ATP8A2: variants seen among roughly 807,000 people sequenced by gnomAD.
ATP8A2 encodes phospholipid-transporting ATPase IB.
A neutral mutation model predicts 165.6 loss-of-function variants in ATP8A2; 100 were observed. The observed-to-expected ratio is 0.60, with a 90% CI of 0.51 to 0.71. The LOEUF is 0.71. Among genes scored for constraint, ATP8A2 ranks in the 30% least tolerant of loss-of-function variants. ATP8A2 has a pLI of 0.00. For missense variants in ATP8A2, 1,227 were observed against 1,479.5 expected (o/e 0.83, Z 2.80); for synonymous variants, 543 against 548.8 (o/e 0.99, Z 0.15).
At chr13:26,013,184 A>G (rs1956886027) in intron 36 of ATP8A2, among the ~76,000 whole-genome samples, 1 of 151,910 alleles carries the variant, frequency 6.6e-6, no homozygotes, top group African/African-American at 2.4e-5. Context: ...CAATCCAGTC[A>G]TCAGATCCCA....
intron 1 of ATP8A2, among the ~76,000 whole-genome samples, chr13:25,437,934 G>C (rs1021511558): frequency 6.6e-6 from 1 of 152,204 alleles, no homozygotes; most frequent in African/African-American, 2.4e-5. Flanking sequence ...ATATGTTGAT[G>C]ATTAGATAAG....
chr13:25,385,384 C>G (rs1029387173), intron 1 of ATP8A2, among the ~76,000 whole-genome samples: 16 of 152,212 alleles, frequency 1.1e-4, no homozygotes, highest in Non-Finnish European at 2.2e-4. Context: ...CGCTCAGCCT[C>G]ACTTTCCTCC....
chr13:25,557,874 T>G (rs2138095328), intron 13 of ATP8A2, among the ~76,000 whole-genome samples: 1 of 152,328 alleles, frequency 6.6e-6, no homozygotes, highest in South Asian at 2.1e-4. Context: ...TAGCAAATCT[T>G]AATAAGCCCT....
Position 25,429,371 on chromosome 13 carries a change from TAAAAAAAAAAAAAAA to T in ATP8A2, c.77-39591_77-39577del, listed in dbSNP as rs751056483. Among the ~76,000 whole-genome samples the T allele has an allele frequency of 6.8e-3, 852 of 126,038 alleles. 5 individuals are homozygous for T. Among genetic ancestry groups the T allele is most frequent in the African/African-American group, 0.019 (523 of 28,122 alleles). The allele number at this position is 126,038 out of a possible 152,430, so 82.7% of individuals were successfully genotyped here. On this transcript the variant is annotated intron_variant, in intron 1 of 36. Coordinates refer to ENST00000381655, the MANE Select transcript of ATP8A2 (RefSeq NM_016529.6). ...GGCCCATAACAGTGTGACTCCATCTTAAAAAAAAAAAAAAAAAAAAAAAAAAAAAGAAGTAATCTT... is the reference window on the plus strand; with the variant it reads ...GGCCCATAACAGTGTGACTCCATCTTAAAAAAAAAAAAAAGAAGTAATCTT...
At chr13:25,429,772 C>T (rs7985161) in intron 1 of ATP8A2, among the ~76,000 whole-genome samples, 3,606 of 152,232 alleles carry the variant, frequency 0.024, 147 homozygotes, top group African/African-American at 0.082. Context: ...TTTAGGCTTC[C>T]TCGTGTGGGC....
intron 2 of ATP8A2, among the ~76,000 whole-genome samples, chr13:25,477,242 T>A (rs992409878): frequency 6.6e-6 from 1 of 152,186 alleles, no homozygotes; most frequent in Non-Finnish European, 1.5e-5. Flanking sequence ...AAGCATTTGG[T>A]TTGAGAATTT....
chr13:25,743,617 A>G (rs1465450257), intron 25 of ATP8A2, among the ~76,000 whole-genome samples: 1 of 152,190 alleles, frequency 6.6e-6, no homozygotes, highest in South Asian at 2.1e-4. Flanking sequence ...TTGTAATGGT[A>G]GATGTATCAT....
intron 10 of ATP8A2, among the ~76,000 whole-genome samples, chr13:25,547,323 C>G (rs899255888): frequency 2.6e-5 from 4 of 151,864 alleles, no homozygotes; most frequent in African/African-American, 9.7e-5. Flanking sequence ...GAAGCTTCAT[C>G]TGTATTTACA....
intron 24 of ATP8A2, among the ~76,000 whole-genome samples, chr13:25,656,615 G>C (rs904867041): frequency 6.6e-6 from 1 of 150,708 alleles, no homozygotes; most frequent in Non-Finnish European, 1.5e-5. Flanking sequence ...AATGGATTCA[G>C]ATCATTGAGA....
chr13:25,581,794 A>G (rs371848356), intron 22 of ATP8A2, 25 bp from the exon 23 acceptor site: 3 of 1,610,158 alleles, frequency 1.9e-6, no homozygotes, highest in African/African-American at 2.7e-5. Flanking sequence ...GCCAATCTTT[A>G]ACTGAGGATA....
At chr13:25,821,783 G>T (rs1248034162) in intron 27 of ATP8A2, among the ~76,000 whole-genome samples, 1 of 152,060 alleles carries the variant, frequency 6.6e-6, no homozygotes, top group East Asian at 1.9e-4. Context: ...AGCATCTTTG[G>T]CCCACTCAAT....
In ATP8A2 at chr13:26,021,413, G is replaced by A. The variant is rs1449298516; in HGVS notation, c.*1428G>A. 1 of 152,162 alleles carries A rather than the reference G, an allele frequency of 6.6e-6. No homozygotes were observed. Among genetic ancestry groups the A allele is most frequent in the Non-Finnish European group, 1.5e-5 (1 of 68,040 alleles). 9.4% of individuals were successfully genotyped at this position (152,162 alleles called of 1,614,324 possible). The stretch of plus-strand genomic sequence containing the variant: ...GAAACACCTTTTTAAAAAATATACT[G>A]ACATGGTTTCCTTTCTGTATCCCAT... On this transcript the variant is annotated 3_prime_UTR_variant, in exon 37 of 37. Coordinates refer to ENST00000381655, the MANE Select transcript of ATP8A2 (RefSeq NM_016529.6).
intron 2 of ATP8A2, among the ~76,000 whole-genome samples, chr13:25,475,730 C>T (rs903969594): frequency 6.6e-6 from 1 of 152,144 alleles, no homozygotes; most frequent in Admixed American, 6.5e-5. Flanking sequence ...AGATGGTACT[C>T]ATTGTGGTTT....
At chr13:25,630,083 C>CT (rs534530838) in intron 24 of ATP8A2, among the ~76,000 whole-genome samples, 1 of 122,966 alleles carries the variant, frequency 8.1e-6, no homozygotes, top group Admixed American at 8.1e-5. Context: ...TTTTGTCCCC[C>CT]CCCCACCACC....
In ATP8A2 at chr13:25,386,557, A is replaced by G. The variant is rs147092769; in HGVS notation, c.76+14269A>G. Among the ~76,000 whole-genome samples, 305 of 152,306 alleles carry G rather than the reference A, an allele frequency of 2.0e-3. 1 individual carries two copies. The highest frequency in any genetic ancestry group is 6.7e-3 in the African/African-American group (278 of 41,570). On this transcript the variant is annotated intron_variant, in intron 1 of 36. Coordinates refer to ENST00000381655, the MANE Select transcript of ATP8A2 (RefSeq NM_016529.6). ...CCTCTTCTCTCTAAGAATGAAAGCT[A>G]TGACCCCCACATTAATTCCAGATTC...
chr13:25,665,944 AAT>A (rs1285415832), intron 24 of ATP8A2, among the ~76,000 whole-genome samples: 1 of 148,878 alleles, frequency 6.7e-6, no homozygotes, highest in Non-Finnish European at 1.5e-5. Flanking sequence ...ATATTTATAA[AAT>A]ATATATAAGG....
chr13:25,912,492 G>T (rs551928377), intron 33 of ATP8A2, among the ~76,000 whole-genome samples: 11 of 152,214 alleles, frequency 7.2e-5, no homozygotes, highest in African/African-American at 2.6e-4. Flanking sequence ...AGTGAATATA[G>T]TAAATAATAA....
At chr13:25,933,959 C>G (rs1954825127) in intron 33 of ATP8A2, among the ~76,000 whole-genome samples, 1 of 152,204 alleles carries the variant, frequency 6.6e-6, no homozygotes, top group African/African-American at 2.4e-5. Flanking sequence ...GGGGCTGAGT[C>G]AGTCTGGGCT....
intron 27 of ATP8A2, among the ~76,000 whole-genome samples, chr13:25,807,330 G>T (rs372674913): frequency 6.6e-6 from 1 of 151,974 alleles, no homozygotes; most frequent in Non-Finnish European, 1.5e-5. Context: ...TTAAACTTAC[G>T]ACTGTTATTT....
Sources: gnomAD v4.1 joint callset for allele counts (sites outside exome capture counted in the v4.1 genomes callset) on GRCh38, gnomAD v4.1.1 for gene constraint, MANE v1.5 for transcripts, NCBI Gene and HGNC (gene_info 2026-07-23, HGNC 2026-07-21) for gene names.